The following ADAMTSL3 variants were observed in gnomAD, a reference collection of about 807,000 sequenced individuals.
ADAMTSL3 encodes ADAMTS-like protein 3.
ADAMTSL3 carries 128 observed loss-of-function variants against 201.7 expected under a neutral mutation model. The ratio of observed to expected loss-of-function variants is 0.63; its 90% confidence interval spans 0.55 to 0.73. The LOEUF (loss-of-function observed/expected upper bound fraction) is 0.73, where lower values mean the gene tolerates loss of function less well. Ranked by LOEUF, ADAMTSL3 falls within the 30% of genes least tolerant of loss-of-function variation. The pLI, the probability that ADAMTSL3 is intolerant of heterozygous loss-of-function variation, is 0.00. For missense variants in ADAMTSL3, 1,990 were observed against 2,119.6 expected (o/e 0.94, Z 1.20); for synonymous variants, 738 against 748.4 (o/e 0.99, Z 0.23).
chr15:83,992,584 T>C (rs1013470425), intron 23 of ADAMTSL3, among the ~76,000 whole-genome samples: 2 of 152,240 alleles, frequency 1.3e-5, no homozygotes, highest in Non-Finnish European at 2.9e-5. Flanking sequence ...AAAATAGATC[T>C]GACTTCTATT....
intron 16 of ADAMTSL3, among the ~76,000 whole-genome samples, chr15:83,923,274 A>G (rs2066181623): frequency 6.6e-6 from 1 of 152,216 alleles, no homozygotes; most frequent in Non-Finnish European, 1.5e-5. Flanking sequence ...AATTAATAAA[A>G]TGGAGGTAAT....
intron 2 of ADAMTSL3, among the ~76,000 whole-genome samples, chr15:83,702,710 G>A (rs1158511197): frequency 1.3e-5 from 2 of 152,226 alleles, no homozygotes; most frequent in Admixed American, 6.5e-5. Context: ...GAGGTTGTAT[G>A]GAAACACCTG....
chr15:83,718,049 A>G (rs2062043676), intron 3 of ADAMTSL3, among the ~76,000 whole-genome samples: 1 of 152,188 alleles, frequency 6.6e-6, no homozygotes, highest in East Asian at 1.9e-4. Context: ...AAAACTCTAT[A>G]GTCCTAGAAT....
At chr15:83,666,583 C>CT (rs2061250680) in intron 2 of ADAMTSL3, among the ~76,000 whole-genome samples, 2 of 152,058 alleles carry the variant, frequency 1.3e-5, no homozygotes, top group African/African-American at 4.8e-5. Flanking sequence ...CACACCTGTA[C>CT]TCCCAGCACT....
chr15:83,785,014 T>C (rs1467472471), intron 4 of ADAMTSL3, among the ~76,000 whole-genome samples: 6 of 152,252 alleles, frequency 3.9e-5, no homozygotes, highest in Non-Finnish European at 8.8e-5. Context: ...TGATTGTCAA[T>C]TGCTGCTTTG....
chr15:83,793,323 A>AC lies in ADAMTSL3; in HGVS notation c.318-11327_318-11326insC, dbSNP rs1230470505. Among the ~76,000 whole-genome samples, 3 of 152,206 alleles carry AC rather than the reference A, an allele frequency of 2.0e-5. No individual in the cohort carries two copies. In the East Asian group the frequency reaches 5.8e-4, roughly 29 times the overall value. ...TATTATTGAAAATTGCTGAGACCGGATGTTAAGTATTATCACCACAAAAAT... is the reference window on the plus strand; with the variant it reads ...TATTATTGAAAATTGCTGAGACCGGACTGTTAAGTATTATCACCACAAAAAT... On this transcript the variant is annotated intron_variant, in intron 4 of 29. Transcript: ENST00000286744.
chr15:83,876,496 T>G (rs2065179797), intron 9 of ADAMTSL3, among the ~76,000 whole-genome samples: 1 of 152,242 alleles, frequency 6.6e-6, no homozygotes, highest in Admixed American at 6.5e-5. Context: ...ACAGAAGTTC[T>G]CAATTTTACT....
chr15:83,784,946 A>G (rs982569531), intron 4 of ADAMTSL3, among the ~76,000 whole-genome samples: 1 of 152,130 alleles, frequency 6.6e-6, no homozygotes, highest in Admixed American at 6.6e-5. Context: ...CATTATTTCA[A>G]CACTCATTGT....
intron 2 of ADAMTSL3, among the ~76,000 whole-genome samples, chr15:83,659,586 A>C (rs1163654819): frequency 6.6e-6 from 1 of 152,118 alleles, no homozygotes; most frequent in Non-Finnish European, 1.5e-5. Flanking sequence ...GACAGTGTGG[A>C]TGTCCTTGGG....
chr15:83,657,828 GA>G (rs1490857820), intron 2 of ADAMTSL3, among the ~76,000 whole-genome samples: 3 of 152,202 alleles, frequency 2.0e-5, no homozygotes, highest in Non-Finnish European at 4.4e-5. Flanking sequence ...GAGGCCCTGA[GA>G]AAAGGTTCTA....
chr15:83,794,923 G>A (rs2063399388), intron 4 of ADAMTSL3, among the ~76,000 whole-genome samples: 1 of 152,058 alleles, frequency 6.6e-6, no homozygotes, highest in African/African-American at 2.4e-5. Context: ...CACAATCTCG[G>A]CTCACTGCAA....
chr15:83,881,234 G>T (rs2065264671), intron 9 of ADAMTSL3, among the ~76,000 whole-genome samples: 1 of 152,144 alleles, frequency 6.6e-6, no homozygotes, highest in Non-Finnish European at 1.5e-5. Flanking sequence ...CCCTTTGAAG[G>T]TTGTCGTGTT....
At chr15:83,878,965 T>A (rs1418150902) in intron 9 of ADAMTSL3, among the ~76,000 whole-genome samples, 1 of 152,166 alleles carries the variant, frequency 6.6e-6, no homozygotes, top group South Asian at 2.1e-4. Context: ...AAGATACAGA[T>A]TCTTTAGATT....
chr15:83,875,681 G>A (rs1020225588), intron 9 of ADAMTSL3, among the ~76,000 whole-genome samples: 2 of 152,202 alleles, frequency 1.3e-5, no homozygotes, highest in African/African-American at 4.8e-5. Context: ...TACTTGGGAG[G>A]CTGAGGCAGG....
intron 16 of ADAMTSL3, among the ~76,000 whole-genome samples, chr15:83,919,258 A>G (rs1041729579): frequency 2.0e-5 from 3 of 152,154 alleles, no homozygotes; most frequent in Non-Finnish European, 2.9e-5. Flanking sequence ...GAGAATACCT[A>G]TGAGGAGTGC....
intron 7 of ADAMTSL3, 100 bp from the exon 8 acceptor site, chr15:83,858,666 A>T: frequency 1.1e-6 from 1 of 870,670 alleles, no homozygotes; most frequent in South Asian, 1.6e-5. Flanking sequence ...AAATATAGTT[A>T]AGAATATTTT....
chr15:83,966,030 A>G (rs2067076755), intron 19 of ADAMTSL3, among the ~76,000 whole-genome samples: 1 of 152,224 alleles, frequency 6.6e-6, no homozygotes, highest in Non-Finnish European at 1.5e-5. Flanking sequence ...ACACAGCTAA[A>G]GCAGTGTTTA....
chr15:83,931,669 A>G (rs2066359545), intron 17 of ADAMTSL3, among the ~76,000 whole-genome samples: 1 of 152,218 alleles, frequency 6.6e-6, no homozygotes, highest in African/African-American at 2.4e-5. Flanking sequence ...AATACAGATC[A>G]ATGGTAGATG....
At chr15:83,687,887 C>A (rs531389629) in intron 2 of ADAMTSL3, among the ~76,000 whole-genome samples, 32 of 127,478 alleles carry the variant, frequency 2.5e-4, no homozygotes, top group African/African-American at 9.1e-4. Flanking sequence ...AGCCCAACAC[C>A]AGTTTTTTAA....
Sources: gnomAD v4.1 joint callset for allele counts (sites outside exome capture counted in the v4.1 genomes callset) on GRCh38, gnomAD v4.1.1 for gene constraint, MANE v1.5 for transcripts, NCBI Gene and HGNC (gene_info 2026-07-23, HGNC 2026-07-21) for gene names.